Variants in PALD1 observed in about 807,000 individuals in gnomAD.
The protein encoded by PALD1 is phosphatase domain containing paladin 1.
A neutral mutation model predicts 96.0 loss-of-function variants in PALD1; 57 were observed. The ratio of observed to expected loss-of-function variants is 0.59; its 90% CI spans 0.48 to 0.74. The LOEUF (loss-of-function observed/expected upper bound fraction) is 0.74. Among genes scored for constraint, PALD1 ranks in the 30% least tolerant of loss-of-function variants. PALD1 has a pLI of 0.00. For synonymous variants in PALD1, 464 were observed against 473.6 expected (o/e 0.98, Z 0.26); for missense variants, 1,063 against 1,143.7 (o/e 0.93, Z 1.02).
At chr10:70,500,546 C>G (rs1248273844) in intron 1 of PALD1, among the ~76,000 whole-genome samples, 1 of 152,200 alleles carries the variant, frequency 6.6e-6, no homozygotes, top group Non-Finnish European at 1.5e-5. Context: ...CTTCCTCCCC[C>G]TTCCGGTCTA....
At chr10:70,477,683 G>T (rs1199478550), upstream of PALD1, among the ~76,000 whole-genome samples, 2 of 152,182 alleles carry the variant, frequency 1.3e-5, no homozygotes, top group African/African-American at 4.8e-5. Context: ...ATTCTTAGGG[G>T]TCATGGGGAA....
At chr10:70,520,338 T>TG (rs1217661950) in intron 1 of PALD1, among the ~76,000 whole-genome samples, 3 of 152,122 alleles carry the variant, frequency 2.0e-5, no homozygotes, top group Non-Finnish European at 4.4e-5. Context: ...AGATTCGAGG[T>TG]GGGGAAACCA....
chr10:70,529,208 G>GGCCCCCC, intron 2 of PALD1, 21 bp from the exon 3 acceptor site: 1 of 273,318 alleles, frequency 3.7e-6, no homozygotes, highest in South Asian at 2.5e-5. Context: ...TTTCCATTCT[G>GGCCCCCC]CCCCCCCCCC....
chr10:70,503,598 C>T (rs1233711201), intron 1 of PALD1, among the ~76,000 whole-genome samples: 1 of 152,116 alleles, frequency 6.6e-6, no homozygotes, highest in Non-Finnish European at 1.5e-5. Context: ...CACGCCACTG[C>T]ACTCCAGCCT....
intron 1 of PALD1, among the ~76,000 whole-genome samples, chr10:70,505,270 A>C (rs952045194): frequency 2.0e-5 from 3 of 152,218 alleles, no homozygotes; most frequent in Non-Finnish European, 4.4e-5. Context: ...TTTTCTTTGA[A>C]GGGACAGGCT....
chr10:70,551,316 T>A (rs1015737506), intron 18 of PALD1, among the ~76,000 whole-genome samples: 4 of 152,158 alleles, frequency 2.6e-5, no homozygotes, highest in African/African-American at 9.7e-5. Context: ...AAGTCCCAGG[T>A]GGCCTCCAGC....
chr10:70,546,509 T>A (rs1205504147), intron 17 of PALD1, among the ~76,000 whole-genome samples: 1 of 152,214 alleles, frequency 6.6e-6, no homozygotes, highest in Non-Finnish European at 1.5e-5. Flanking sequence ...GCTGTGGCAG[T>A]CCCGTTTTCC....
chr10:70,507,765 G>GTGTT (rs892877749), intron 1 of PALD1, among the ~76,000 whole-genome samples: 10 of 97,446 alleles, frequency 1.0e-4, no homozygotes, highest in African/African-American at 3.7e-4. Flanking sequence ...GTGTGTGTGT[G>GTGTT]TGTGTGTGTG....
chr10:70,550,525 G>A (rs905041131), intron 18 of PALD1, among the ~76,000 whole-genome samples: 14 of 152,142 alleles, frequency 9.2e-5, no homozygotes, highest in Admixed American at 3.9e-4. Context: ...TATGGTGCAC[G>A]AGTCCCTGGT....
rs2132373270 is a variant in PALD1 at position 70,532,763 on chromosome 10, TC to T, written c.778del (p.Leu260CysfsTer98). The part of the protein sequence containing the change: ...VTEEVYKRPL[F>X]LQPTYRYHRL... ...GAGGAGGTGTACAAGCGGCCCCTCTTCCTGCAGCCCACCTACAGGTACCACA... is the reference window on the plus strand; with the variant it reads ...GAGGAGGTGTACAAGCGGCCCCTCTTCTGCAGCCCACCTACAGGTACCACA... On this transcript the variant is annotated frameshift_variant, in exon 6 of 20. Coordinates refer to ENST00000263563, the MANE Select transcript of PALD1 (RefSeq NM_014431.3). LOFTEE classifies it high-confidence loss of function. The T allele has an allele frequency of 6.2e-7, 1 of 1,614,104 alleles. No individual in the cohort carries two copies.
chr10:70,534,703 C>CA (rs762248181), intron 9 of PALD1, 36 bp from the exon 10 acceptor site: 2 of 1,347,554 alleles, frequency 1.5e-6, no homozygotes, highest in Non-Finnish European at 2.1e-6. Context: ...CCCACCCCCC[C>CA]ACCTCCCTCT....
chr10:70,557,419 C>T (rs1417797504), intron 18 of PALD1, among the ~76,000 whole-genome samples: 6 of 152,204 alleles, frequency 3.9e-5, no homozygotes, highest in African/African-American at 1.4e-4. Context: ...CCTAGAGGTG[C>T]TGCTGAACAG....
chr10:70,523,822 T>TG (rs1318002567), intron 1 of PALD1, among the ~76,000 whole-genome samples: 2 of 152,024 alleles, frequency 1.3e-5, no homozygotes, highest in Non-Finnish European at 2.9e-5. Flanking sequence ...GAGAAGGTTC[T>TG]GGGAGGGCCG....
At chr10:70,518,375 G>C (rs1846658780) in intron 1 of PALD1, among the ~76,000 whole-genome samples, 1 of 152,140 alleles carries the variant, frequency 6.6e-6, no homozygotes, top group Admixed American at 6.5e-5. Flanking sequence ...GAATTGCCGG[G>C]TCATATGAGA....
At chr10:70,516,560 G>A (rs973904663) in intron 1 of PALD1, among the ~76,000 whole-genome samples, 1 of 151,780 alleles carries the variant, frequency 6.6e-6, no homozygotes, top group Non-Finnish European at 1.5e-5. Flanking sequence ...TTGGTTCTTA[G>A]TTTTTTATTT....
chr10:70,564,417 G>A lies in PALD1; in HGVS notation c.2316G>A (p.Leu772=), dbSNP rs756358895. 6.2e-7 allele frequency: 1 copy of A among 1,614,130 alleles called. No individual in the cohort carries two copies. Among genetic ancestry groups the A allele is most frequent in the South Asian group, 1.1e-5 (1 of 91,088 alleles). Residue 772 remains leucine (L), a synonymous_variant, in exon 19 of 20, where the codon CTG becomes CTA. Coordinates refer to ENST00000263563, the MANE Select transcript of PALD1 (RefSeq NM_014431.3). ...TGCGGAGGCTGCAGCTGCGGAGCCT[G>A]CAGTACTTGGAGCGCTATGTCTGCC... ...QEMRRLQLRS[L]QYLERYVCLI...
At chr10:70,473,126 C>T in the PALD1 span, among the ~76,000 whole-genome samples, 1 of 152,134 alleles carries the variant, frequency 6.6e-6, no homozygotes, top group African/African-American at 2.4e-5. Flanking sequence ...GATGGCAGGG[C>T]CCTTGAATGC....
Position 70,537,815 on chromosome 10 carries a change from G to A in PALD1, c.1232G>A (p.Ser411Asn). 1 of 1,611,898 alleles carries A rather than the reference G, an allele frequency of 6.2e-7. No individual in the cohort carries two copies. The highest frequency in any genetic ancestry group is 8.5e-7 in the Non-Finnish European group (1 of 1,178,360). ...GIRPESPAQG[S>N]GSRHSVWQRA... ...ACACCCTGTCCTCTCTCTCAGGGAAGCGGCAGCCGACACAGCGTCTGGCAG... is the reference window on the plus strand; with the variant it reads ...ACACCCTGTCCTCTCTCTCAGGGAAACGGCAGCCGACACAGCGTCTGGCAG... Residue 411 changes from serine (S) to asparagine (N), a missense_variant, in exon 11 of 20, where the codon AGC becomes AAC. Coordinates refer to ENST00000263563, the MANE Select transcript of PALD1 (RefSeq NM_014431.3).
At position 70,560,669 on chromosome 10, in the gene PALD1, G is replaced by T. The variant is rs145165726; in HGVS notation, c.2263-3695G>T. On this transcript the variant is annotated intron_variant, in intron 18 of 19. Coordinates refer to ENST00000263563, the MANE Select transcript of PALD1 (RefSeq NM_014431.3). Reference sequence around the variant, plus strand: ...TCAGTGGGCCTCTCCCTGGTGGCCCGGCAAAGAGCAGAGCTTCATGAGAGC... The same window carrying T: ...TCAGTGGGCCTCTCCCTGGTGGCCCTGCAAAGAGCAGAGCTTCATGAGAGC... Among the ~76,000 whole-genome samples the T allele has an allele frequency of 5.7e-3, 873 of 151,934 alleles. 4 individuals carry two copies. Among genetic ancestry groups the T allele is most frequent in the South Asian group, 9.4e-3 (45 of 4,804 alleles).
Sources: gnomAD v4.1 joint callset for allele counts (sites outside exome capture counted in the v4.1 genomes callset) on GRCh38, gnomAD v4.1.1 for gene constraint, MANE v1.5 for transcripts, NCBI Gene and HGNC (gene_info 2026-07-23, HGNC 2026-07-21) for gene names.